LRP1B: variants seen among roughly 807,000 people sequenced by gnomAD.
The protein encoded by LRP1B is low-density lipoprotein receptor-related protein 1B.
Under a neutral mutation model 556.6 loss-of-function variants are expected in LRP1B, and 217 were observed. That is an observed-to-expected ratio of 0.39 (90% CI 0.35 to 0.44). LRP1B has a LOEUF of 0.44. Ranked by LOEUF, LRP1B falls within the 20% of genes least tolerant of loss-of-function variation. The probability of loss-of-function intolerance (pLI) is 1.00; values close to 1 mark genes in which losing one functional copy is unlikely to be tolerated. For synonymous variants in LRP1B, 2,047 were observed against 1,865.8 expected, an observed-to-expected ratio of 1.10 and a Z score of -2.50; for missense variants, 5,053 against 5,620.8, an observed-to-expected ratio of 0.90 and a Z score of 3.23.
intron 82 of LRP1B, among the ~76,000 whole-genome samples, chr2:140,319,720 G>A (rs542878534): frequency 5.9e-5 from 9 of 152,232 alleles, no homozygotes; most frequent in Admixed American, 3.9e-4. Flanking sequence ...CCTCTATGAC[G>A]CAGGCAGAAC....
At chr2:142,059,134 C>A (rs768601574) in intron 1 of LRP1B, among the ~76,000 whole-genome samples, 40 of 151,950 alleles carry the variant, frequency 2.6e-4, no homozygotes, top group Non-Finnish European at 2.5e-4. Flanking sequence ...TTCCTGCTTG[C>A]CTAAGATTGG....
intron 3 of LRP1B, among the ~76,000 whole-genome samples, chr2:141,292,326 G>A (rs763666716): frequency 2.6e-5 from 4 of 152,070 alleles, no homozygotes; most frequent in Admixed American, 6.6e-5. Flanking sequence ...AGCACACTCC[G>A]TGATAGGCAT....
chr2:140,942,223 C>T (rs563799576), intron 20 of LRP1B, among the ~76,000 whole-genome samples: 12 of 152,098 alleles, frequency 7.9e-5, no homozygotes, highest in South Asian at 4.1e-4. Context: ...TTTCAATCAA[C>T]GCAGTCACGC....
chr2:140,873,540 G>C (rs748793153), intron 25 of LRP1B, among the ~76,000 whole-genome samples: 1 of 152,042 alleles, frequency 6.6e-6, no homozygotes, highest in Admixed American at 6.6e-5. Context: ...GTTAGAAACA[G>C]GATGGAGCCA....
chr2:141,883,868 C>A (rs1244708443), intron 1 of LRP1B, among the ~76,000 whole-genome samples: 1 of 152,108 alleles, frequency 6.6e-6, no homozygotes, highest in Non-Finnish European at 1.5e-5. Context: ...CAACAAAATA[C>A]CAGCACCCAT....
At chr2:140,259,779 A>G (rs1016991407) in intron 86 of LRP1B, among the ~76,000 whole-genome samples, 1 of 152,018 alleles carries the variant, frequency 6.6e-6, no homozygotes, top group Non-Finnish European at 1.5e-5. Flanking sequence ...AAGCCATGGG[A>G]ATAGAACAGG....
chr2:141,407,058 A>G (rs999090795), intron 3 of LRP1B, among the ~76,000 whole-genome samples: 5 of 152,328 alleles, frequency 3.3e-5, no homozygotes, highest in African/African-American at 1.2e-4. Flanking sequence ...TTGATTATAT[A>G]GAGATAATTT....
chr2:140,991,451 T>C (rs759766111), intron 16 of LRP1B, among the ~76,000 whole-genome samples: 1 of 152,126 alleles, frequency 6.6e-6, no homozygotes, highest in Non-Finnish European at 1.5e-5. Flanking sequence ...TCAGAATCAC[T>C]GCAATGCTTA....
intron 3 of LRP1B, among the ~76,000 whole-genome samples, chr2:141,301,710 A>G (rs557697394): frequency 7.1e-4 from 108 of 152,308 alleles, no homozygotes; most frequent in African/African-American, 2.4e-3. Context: ...AGGAGTATAT[A>G]CTGGGTATCC....
At chr2:141,755,111 T>C (rs941230602) in intron 2 of LRP1B, among the ~76,000 whole-genome samples, 33 of 152,246 alleles carry the variant, frequency 2.2e-4, no homozygotes, top group African/African-American at 7.9e-4. Flanking sequence ...TAATTTCTCA[T>C]TTCTGAAAGG....
chr2:140,989,320 A>T (rs1225334130), intron 17 of LRP1B, among the ~76,000 whole-genome samples: 2 of 152,124 alleles, frequency 1.3e-5, no homozygotes, highest in Non-Finnish European at 2.9e-5. Flanking sequence ...TGAAGTGCCA[A>T]ATTAGTCTGG....
chr2:141,250,016 T>G (rs1194360588), intron 4 of LRP1B, among the ~76,000 whole-genome samples: 1 of 151,284 alleles, frequency 6.6e-6, no homozygotes, highest in African/African-American at 2.4e-5. Context: ...AGAAAGGGGG[T>G]GAGAAAAAAA....
At chr2:141,805,752 A>C (rs1409821826) in intron 2 of LRP1B, 1 of 152,146 alleles carries the variant, frequency 6.6e-6, no homozygotes, top group Non-Finnish European at 1.5e-5. Flanking sequence ...TTTTCAAAAC[A>C]AACTGAAAAA....
intron 11 of LRP1B, among the ~76,000 whole-genome samples, chr2:141,033,248 G>A (rs781745116): frequency 6.6e-6 from 1 of 151,986 alleles, no homozygotes; most frequent in Non-Finnish European, 1.5e-5. Context: ...AGCAAGGGAG[G>A]GGAGGAACAG....
intron 7 of LRP1B, among the ~76,000 whole-genome samples, chr2:141,152,558 T>C (rs59821224): frequency 0.019 from 2,937 of 151,910 alleles, 84 homozygotes; most frequent in African/African-American, 0.067. Flanking sequence ...TCCCAATAAC[T>C]GTCCATGAGA....
intron 2 of LRP1B, among the ~76,000 whole-genome samples, chr2:141,650,338 T>C (rs1002393559): frequency 1.3e-5 from 2 of 152,174 alleles, no homozygotes; most frequent in Non-Finnish European, 2.9e-5. Flanking sequence ...TCTAGAGAGT[T>C]AGAGTGGAAC....
chr2:141,743,501 C>CTTTTTTTTTTTTTTTTTTTTTTT (rs796287062), intron 2 of LRP1B, among the ~76,000 whole-genome samples: 17 of 119,036 alleles, frequency 1.4e-4, no homozygotes, highest in Non-Finnish European at 2.3e-4. Flanking sequence ...TTTTTTTTTT[C>CTTTTTTTTTTTTTTTTTTTTTTT]TTTTTTTTTT....
chr2:141,740,845 A>G (rs1484013003), intron 2 of LRP1B, among the ~76,000 whole-genome samples: 1 of 152,122 alleles, frequency 6.6e-6, no homozygotes, highest in Non-Finnish European at 1.5e-5. Context: ...TCAGATTGAA[A>G]ATGTGGAGGA....
intron 51 of LRP1B, among the ~76,000 whole-genome samples, chr2:140,511,593 G>A (rs1280101436): frequency 2.0e-5 from 3 of 152,082 alleles, no homozygotes; most frequent in Admixed American, 6.5e-5. Context: ...GAGCCACCGC[G>A]CCCAGCCCCT....
Sources: allele counts gnomAD v4.1 joint callset (sites outside exome capture counted in the v4.1 genomes callset), GRCh38; gene constraint gnomAD v4.1.1; transcripts MANE v1.5; gene names NCBI Gene and HGNC (gene_info 2026-07-23, HGNC 2026-07-21).